Variants in PCDH15 observed in about 807,000 individuals in gnomAD.
PCDH15 encodes the protein protocadherin-15.
A neutral mutation model predicts 178.5 loss-of-function variants in PCDH15; 129 were observed. The ratio of observed to expected loss-of-function variants is 0.72; its 90% confidence interval spans 0.63 to 0.84. PCDH15 has a LOEUF of 0.84. Ranked by LOEUF, PCDH15 falls within the 40% of genes least tolerant of loss-of-function variation. The probability of loss-of-function intolerance (pLI) is 0.00; values close to 1 mark genes in which losing one functional copy is unlikely to be tolerated. For synonymous variants in PCDH15, 800 were observed against 732.0 expected, an observed-to-expected ratio of 1.09 and a Z score of -1.50; for missense variants, 2,230 against 2,099.9, an observed-to-expected ratio of 1.06 and a Z score of -1.21.
At chr10:54,052,120 C>A (rs948350109) in intron 18 of PCDH15, among the ~76,000 whole-genome samples, 4 of 152,184 alleles carry the variant, frequency 2.6e-5, no homozygotes, top group African/African-American at 9.6e-5. Context: ...TCATGGAGAA[C>A]CTCTGCTACG....
intron 3 of PCDH15, among the ~76,000 whole-genome samples, chr10:54,815,156 A>G (rs1345054451): frequency 6.7e-6 from 1 of 148,474 alleles, no homozygotes; most frequent in African/African-American, 2.5e-5. Context: ...TTTTTTTTTT[A>G]TATTTGTGAC....
chr10:53,829,454 A>G (rs2076893354), intron 30 of PCDH15, among the ~76,000 whole-genome samples: 1 of 152,220 alleles, frequency 6.6e-6, no homozygotes, highest in Non-Finnish European at 1.5e-5. Flanking sequence ...TGCTAGCAGG[A>G]TATAATAAAG....
At chr10:55,203,865 T>C (rs1840320230) in intron 1 of PCDH15, among the ~76,000 whole-genome samples, 1 of 151,962 alleles carries the variant, frequency 6.6e-6, no homozygotes, top group African/African-American at 2.4e-5. Context: ...ATTTCTCCTT[T>C]CTAAAGTGCT....
intron 24 of PCDH15, among the ~76,000 whole-genome samples, chr10:53,940,513 G>A (rs192669120): frequency 3.4e-4 from 51 of 152,116 alleles, no homozygotes; most frequent in Middle Eastern, 3.4e-3. Context: ...ACACTGGGGC[G>A]GACGAAGCTA....
chr10:54,360,310 T>A (rs556011123), intron 5 of PCDH15, among the ~76,000 whole-genome samples: 120 of 152,258 alleles, frequency 7.9e-4, no homozygotes, highest in African/African-American at 2.8e-3. Context: ...TCTTCCCTGC[T>A]ATATAAACCG....
chr10:55,197,681 T>C (rs184627422), intron 1 of PCDH15, among the ~76,000 whole-genome samples: 12 of 152,234 alleles, frequency 7.9e-5, no homozygotes, highest in Non-Finnish European at 8.8e-5. Context: ...CATCCACTTC[T>C]ACACATCCTC....
At chr10:53,878,778 A>T (rs2080472883) in intron 26 of PCDH15, among the ~76,000 whole-genome samples, 1 of 152,052 alleles carries the variant, frequency 6.6e-6, no homozygotes, top group Middle Eastern at 3.2e-3. Context: ...GTGGTCAAAT[A>T]ATATTTGGCT....
intron 1 of PCDH15, among the ~76,000 whole-genome samples, chr10:55,207,821 T>A (rs369914600): frequency 6.6e-6 from 1 of 152,016 alleles, no homozygotes; most frequent in African/African-American, 2.4e-5. Context: ...ACAAAAAAAT[T>A]AGCTGGGCGT....
intron 2 of PCDH15, among the ~76,000 whole-genome samples, chr10:54,949,138 A>C (rs913439195): frequency 3.9e-5 from 6 of 151,912 alleles, no homozygotes; most frequent in Non-Finnish European, 7.4e-5. Flanking sequence ...ATTTTCCCCT[A>C]ACTTTATGTA....
At chr10:55,002,009 T>C (rs1231364692) in intron 2 of PCDH15, among the ~76,000 whole-genome samples, 2 of 152,238 alleles carry the variant, frequency 1.3e-5, no homozygotes, top group Non-Finnish European at 2.9e-5. Flanking sequence ...GGCCTTCATG[T>C]GTCTTCATGA....
At chr10:55,565,453 C>T (rs1280990938) in intron 2 of PCDH15, among the ~76,000 whole-genome samples, 1 of 151,334 alleles carries the variant, frequency 6.6e-6, no homozygotes, top group Non-Finnish European at 1.5e-5. Context: ...CACTTTACAA[C>T]TTAAACCAGA....
chr10:53,888,291 C>CATATATATATATAT (rs71004489), intron 26 of PCDH15, among the ~76,000 whole-genome samples: 2 of 48,822 alleles, frequency 4.1e-5, no homozygotes, highest in African/African-American at 1.0e-4. Context: ...ACTATATATA[C>CATATATATATATAT]ATATATATAT....
At chr10:53,894,028 C>T (rs996248763) in intron 26 of PCDH15, among the ~76,000 whole-genome samples, 1 of 151,498 alleles carries the variant, frequency 6.6e-6, no homozygotes, top group Non-Finnish European at 1.5e-5. Context: ...TTGTTGTACC[C>T]AAAAATTATT....
At chr10:55,066,057 A>T (rs1308952834) in intron 2 of PCDH15, among the ~76,000 whole-genome samples, 2 of 151,670 alleles carry the variant, frequency 1.3e-5, no homozygotes, top group African/African-American at 4.8e-5. Flanking sequence ...TTTTGTTCAC[A>T]TATGTCAGGA....
chr10:54,189,501 A>T (rs2048770194), intron 11 of PCDH15: 1 of 531,938 alleles, frequency 1.9e-6, no homozygotes, highest in South Asian at 5.2e-5. Flanking sequence ...TTCAGAGTAT[A>T]CAATTTTTTT....
intron 1 of PCDH15, among the ~76,000 whole-genome samples, chr10:54,726,000 T>C (rs550408721): frequency 1.0e-4 from 15 of 150,634 alleles, no homozygotes; most frequent in South Asian, 8.3e-4. Context: ...CTGTTACAAG[T>C]ACATGCATTC....
intron 2 of PCDH15, among the ~76,000 whole-genome samples, chr10:54,651,030 A>T (rs1463014214): frequency 6.6e-6 from 1 of 152,106 alleles, no homozygotes; most frequent in Non-Finnish European, 1.5e-5. Context: ...TGAACCCTAC[A>T]AGCAATCAAT....
intron 1 of PCDH15, among the ~76,000 whole-genome samples, chr10:54,703,207 A>G (rs1208657115): frequency 2.0e-5 from 3 of 152,076 alleles, no homozygotes; most frequent in Non-Finnish European, 4.4e-5. Context: ...CCACCAAATA[A>G]GGCATTGAGT....
At chr10:55,442,453 GATTATATATATATAT>G (rs1478286672) in intron 2 of PCDH15, among the ~76,000 whole-genome samples, 3 of 78,992 alleles carry the variant, frequency 3.8e-5, no homozygotes, top group Non-Finnish European at 6.9e-5. Flanking sequence ...TTCTTAATTT[GATTATATATATATAT>G]ATTATATATA....
Sources: gnomAD v4.1 joint callset for allele counts (sites outside exome capture counted in the v4.1 genomes callset) on GRCh38, gnomAD v4.1.1 for gene constraint, MANE v1.5 for transcripts, NCBI Gene and HGNC (gene_info 2026-07-23, HGNC 2026-07-21) for gene names.